ZNF892: variants seen among roughly 807,000 people sequenced by gnomAD.
The protein encoded by ZNF892 is zinc finger protein 570-like.
the ZNF892 span, among the ~76,000 whole-genome samples, chr2:95,256,212 G>A: frequency 6.6e-6 from 1 of 152,164 alleles, no homozygotes; most frequent in East Asian, 1.9e-4. Flanking sequence ...GCTGGTACTG[G>A]TTGTTCCTTT....
the ZNF892 span, among the ~76,000 whole-genome samples, chr2:95,243,415 T>G: frequency 7.1e-6 from 1 of 141,266 alleles, no homozygotes; most frequent in Admixed American, 7.1e-5. Context: ...GAGCGCCTCT[T>G]CCCGGCCGCC....
At chr2:95,242,110 C>G in the ZNF892 span, among the ~76,000 whole-genome samples, 1 of 152,164 alleles carries the variant, frequency 6.6e-6, no homozygotes, top group Non-Finnish European at 1.5e-5. Flanking sequence ...CCCAACCTAG[C>G]AAGATAGGCC....
At chr2:95,245,048 A>G in the ZNF892 span, among the ~76,000 whole-genome samples, 2 of 152,204 alleles carry the variant, frequency 1.3e-5, no homozygotes, top group African/African-American at 4.8e-5. Flanking sequence ...CAATGTTAAG[A>G]GGGAAATTTA....
At chr2:95,248,797 A>G in the ZNF892 span, among the ~76,000 whole-genome samples, 4 of 152,126 alleles carry the variant, frequency 2.6e-5, no homozygotes, top group Admixed American at 6.6e-5. Context: ...AACTTTCTAT[A>G]TTCATTTAGG....
chr2:95,260,113 C>G, the ZNF892 span, among the ~76,000 whole-genome samples: 1 of 152,222 alleles, frequency 6.6e-6, no homozygotes, highest in African/African-American at 2.4e-5. Context: ...AGAACCAAGG[C>G]TCCTTTTTCC....
chr2:95,238,950 C>A, the ZNF892 span, among the ~76,000 whole-genome samples: 1 of 151,982 alleles, frequency 6.6e-6, no homozygotes, highest in African/African-American at 2.4e-5. Flanking sequence ...ACCAGCCTGG[C>A]CAACATGGTA....
At chr2:95,230,785 G>C in the ZNF892 span, among the ~76,000 whole-genome samples, 1 of 152,170 alleles carries the variant, frequency 6.6e-6, no homozygotes, top group Admixed American at 6.5e-5. Context: ...TAAAGCTCTG[G>C]GGGTTGCTCT....
chr2:95,232,198 C>T, the ZNF892 span: 1 of 152,194 alleles, frequency 6.6e-6, no homozygotes, highest in Admixed American at 6.5e-5. Flanking sequence ...CGTACTTCTG[C>T]GACTTTCGAT....
At chr2:95,251,318 A>G in the ZNF892 span, among the ~76,000 whole-genome samples, 1 of 152,200 alleles carries the variant, frequency 6.6e-6, no homozygotes. Context: ...TTTCAGTCTG[A>G]TCTTCCTGTA....
At chr2:95,226,249 A>T in the ZNF892 span, among the ~76,000 whole-genome samples, 3 of 152,166 alleles carry the variant, frequency 2.0e-5, no homozygotes, top group Admixed American at 6.5e-5. Flanking sequence ...ATCTGCAGAT[A>T]ATTTTATTTC....
chr2:95,263,390 C>T, the ZNF892 span, among the ~76,000 whole-genome samples: 5 of 152,226 alleles, frequency 3.3e-5, no homozygotes, highest in Non-Finnish European at 7.3e-5. Context: ...CAACTTCCTA[C>T]CTACAGAACA....
the ZNF892 span, among the ~76,000 whole-genome samples, chr2:95,260,652 C>G: frequency 2.6e-5 from 4 of 152,212 alleles, no homozygotes; most frequent in African/African-American, 9.6e-5. Flanking sequence ...TTCTCATCCT[C>G]TCTCCCTCTG....
chr2:95,209,108 A>G, the ZNF892 span, among the ~76,000 whole-genome samples: 73 of 152,354 alleles, frequency 4.8e-4, no homozygotes, highest in Middle Eastern at 6.8e-3. Context: ...ATTGGTCCAG[A>G]CAAGTCATGA....
chr2:95,254,529 G>A, the ZNF892 span, among the ~76,000 whole-genome samples: 18 of 152,170 alleles, frequency 1.2e-4, no homozygotes, highest in Non-Finnish European at 1.5e-5. Context: ...CAGGGATATT[G>A]GTCTAAAATT....
the ZNF892 span, among the ~76,000 whole-genome samples, chr2:95,228,525 A>G: frequency 6.6e-6 from 1 of 152,196 alleles, no homozygotes; most frequent in Non-Finnish European, 1.5e-5. Context: ...ATGTTGTCCA[A>G]ATTCTCTAGT....
At chr2:95,255,690 C>G in the ZNF892 span, among the ~76,000 whole-genome samples, 2 of 152,134 alleles carry the variant, frequency 1.3e-5, no homozygotes, top group Non-Finnish European at 2.9e-5. Context: ...GTTAAAGTCT[C>G]CCATTATTAT....
the ZNF892 span, among the ~76,000 whole-genome samples, chr2:95,243,139 C>T: frequency 3.3e-5 from 5 of 152,320 alleles, no homozygotes; most frequent in South Asian, 4.2e-4. Context: ...GACGGAGTCT[C>T]GTTCACTCAG....
the ZNF892 span, among the ~76,000 whole-genome samples, chr2:95,210,063 C>T: frequency 5.0e-4 from 74 of 148,050 alleles, no homozygotes; most frequent in South Asian, 1.5e-3. Context: ...ATTAACCGTT[C>T]GATTCATATA....
chr2:95,254,430 C>A, the ZNF892 span, among the ~76,000 whole-genome samples: 3 of 152,154 alleles, frequency 2.0e-5, no homozygotes, highest in Non-Finnish European at 4.4e-5. Context: ...AGGGATGAAG[C>A]CCACTTGATC....
Sources: allele counts gnomAD v4.1 joint callset (sites outside exome capture counted in the v4.1 genomes callset), GRCh38; gene constraint gnomAD v4.1.1; transcripts MANE v1.5; gene names NCBI Gene and HGNC (gene_info 2026-07-23, HGNC 2026-07-21).